Variants in N4BP2 observed in about 807,000 individuals in gnomAD.
N4BP2 encodes NEDD4-binding protein 2.
Under a neutral mutation model 152.8 loss-of-function variants are expected in N4BP2, and 91 were observed. The ratio of observed to expected loss-of-function variants is 0.60; its 90% confidence interval spans 0.50 to 0.71. The LOEUF is 0.71. Among genes scored for constraint, N4BP2 ranks in the 30% least tolerant of loss-of-function variants. The pLI is 0.00. For synonymous variants in N4BP2, 646 were observed against 705.3 expected, an observed-to-expected ratio of 0.92 and a Z score of 1.33; for missense variants, 1,923 against 2,059.1, an observed-to-expected ratio of 0.93 and a Z score of 1.28.
At chr4:40,075,190 CAT>C (rs1436682184) in intron 2 of N4BP2, among the ~76,000 whole-genome samples, 1 of 151,856 alleles carries the variant, frequency 6.6e-6, no homozygotes, top group Non-Finnish European at 1.5e-5. Flanking sequence ...GATATAAACA[CAT>C]ATAGATGGAA....
intron 2 of N4BP2, among the ~76,000 whole-genome samples, chr4:40,082,802 G>A (rs902613004): frequency 2.0e-5 from 3 of 151,780 alleles, no homozygotes; most frequent in African/African-American, 4.8e-5. Flanking sequence ...CCGGGTTCAC[G>A]CCATTCTCCT....
intron 8 of N4BP2, 95 bp from the exon 9 acceptor site, chr4:40,119,837 G>T: frequency 1.7e-6 from 1 of 590,376 alleles, no homozygotes. Context: ...CAGAATAACT[G>T]TTAAGTGCCC....
At chr4:40,189,052 A>G in the N4BP2 span, among the ~76,000 whole-genome samples, 1 of 152,096 alleles carries the variant, frequency 6.6e-6, no homozygotes, top group African/African-American at 2.4e-5. This position sits in a 1 kb window ranked among gnomAD's most constrained non-coding sequence, Gnocchi z 4.3. Flanking sequence ...AGGCTGAGGC[A>G]AGAGAATCGC....
intron 3 of N4BP2, among the ~76,000 whole-genome samples, chr4:40,100,781 A>C (rs908445457): frequency 2.6e-5 from 4 of 152,300 alleles, no homozygotes; most frequent in African/African-American, 9.6e-5. Flanking sequence ...ACTTGGGTCA[A>C]GTTAATGTAC....
chr4:40,122,899 CTT>C (rs1458868163), intron 9 of N4BP2, among the ~76,000 whole-genome samples: 2 of 152,078 alleles, frequency 1.3e-5, no homozygotes, highest in African/African-American at 4.8e-5. Flanking sequence ...AAAGGAATAA[CTT>C]AGATTTACTG....
chr4:40,159,520 C>T (rs1721798255), downstream of N4BP2, among the ~76,000 whole-genome samples: 1 of 152,128 alleles, frequency 6.6e-6, no homozygotes, highest in African/African-American at 2.4e-5. Flanking sequence ...CTAACTGTCA[C>T]ATCTGTATTC....
chr4:40,103,984 T>C (rs1715963787), intron 4 of N4BP2, among the ~76,000 whole-genome samples: 1 of 152,148 alleles, frequency 6.6e-6, no homozygotes, highest in African/African-American at 2.4e-5. Context: ...AGACGGAGTC[T>C]TGCTCTGTTG....
At chr4:40,174,898 A>G in the N4BP2 span, among the ~76,000 whole-genome samples, 1 of 151,196 alleles carries the variant, frequency 6.6e-6, no homozygotes, top group Non-Finnish European at 1.5e-5. Context: ...TTCAGCCTAA[A>G]AAAAAAAAAA....
At position 40,097,473 on chromosome 4, in the gene N4BP2, G is replaced by A; in HGVS notation, c.133G>A (p.Val45Ile). ...TCTACCTTCCATGGGTGAGACAAAA[G>A]TTGATCAGGAAGAACTCTTCACCAG... The part of the protein sequence containing the change: ...TTLPSMGETK[V>I]DQEELFTSIS... The change falls in exon 3 of 18, where the codon GTT becomes ATT. Residue 45 changes from valine to isoleucine, a missense_variant. Transcript: ENST00000261435. 2 of 1,614,076 alleles carry A rather than the reference G, an allele frequency of 1.2e-6. No homozygotes were observed. The highest frequency in any genetic ancestry group is 1.7e-6 in the Non-Finnish European group (2 of 1,179,950).
At chr4:40,147,813 G>GAT (rs1720732274) in intron 16 of N4BP2, among the ~76,000 whole-genome samples, 1 of 150,614 alleles carries the variant, frequency 6.6e-6, no homozygotes, top group African/African-American at 2.4e-5. Context: ...CTTCTCAGAC[G>GAT]GGGCAGCCAG....
chr4:40,175,192 G>T, the N4BP2 span, among the ~76,000 whole-genome samples: 2 of 151,112 alleles, frequency 1.3e-5, no homozygotes, highest in Admixed American at 6.6e-5. Flanking sequence ...GGCTAAGTTT[G>T]TTTTTTTTAT....
intron 1 of N4BP2, among the ~76,000 whole-genome samples, chr4:40,071,420 A>G (rs1712170280): frequency 6.6e-6 from 1 of 152,180 alleles, no homozygotes; most frequent in African/African-American, 2.4e-5. Flanking sequence ...GAGGCATATA[A>G]TGTCAGGTCC....
intron 13 of N4BP2, among the ~76,000 whole-genome samples, chr4:40,135,203 G>A (rs1719275632): frequency 6.7e-6 from 1 of 149,910 alleles, no homozygotes; most frequent in Non-Finnish European, 1.5e-5. Context: ...ACGGTGTTTG[G>A]TTTTTTGTTC....
At chr4:40,147,110 ACT>A (rs1720612698) in intron 16 of N4BP2, among the ~76,000 whole-genome samples, 1 of 148,132 alleles carries the variant, frequency 6.8e-6, no homozygotes. Flanking sequence ...ATTGGTGATG[ACT>A]CTTAACGAGC....
intron 15 of N4BP2, 113 bp from the exon 16 acceptor site, chr4:40,144,519 T>C (rs1720328163): frequency 1.2e-6 from 1 of 824,832 alleles, no homozygotes; most frequent in Non-Finnish European, 1.9e-6. Context: ...TTTAAGATTT[T>C]AGGTTTATTA....
the N4BP2 span, among the ~76,000 whole-genome samples, chr4:40,177,092 G>T: frequency 1.3e-5 from 2 of 152,218 alleles, no homozygotes; most frequent in African/African-American, 4.8e-5. Flanking sequence ...GCAGTGGAAA[G>T]CTAGCCTGCT....
intron 1 of N4BP2, among the ~76,000 whole-genome samples, chr4:40,058,172 CT>C (rs1192347301): frequency 2.0e-5 from 3 of 152,200 alleles, no homozygotes; most frequent in Admixed American, 6.5e-5. Flanking sequence ...CAACATCAGC[CT>C]TTTCACTCCG....
the N4BP2 span, among the ~76,000 whole-genome samples, chr4:40,188,316 T>C: frequency 2.4e-4 from 36 of 152,338 alleles, 1 homozygote; most frequent in South Asian, 7.3e-3. Flanking sequence ...TCACAGGCTG[T>C]GCTGTTTATT....
chr4:40,131,720 A>C lies in N4BP2; in HGVS notation c.4528-81A>C, dbSNP rs181504074. 5.0e-4 allele frequency: 504 copies of C among 1,012,376 alleles called. 4 individuals are homozygous for C. The Admixed American group carries it at 0.01, about 20-fold the overall frequency. 62.7% of individuals were successfully genotyped at this position (1,012,376 alleles called of 1,614,324 possible). On this transcript the variant is annotated intron_variant, in intron 12 of 17. Transcript: ENST00000261435. ...GCTTTTAAATCATCAGTAGTTTTGC[A>C]ACAAGTTAACCATGCCTTTGGTCAG... is the stretch of plus-strand genomic sequence containing the variant.
Sources: allele counts gnomAD v4.1 joint callset (sites outside exome capture counted in the v4.1 genomes callset), GRCh38; gene constraint gnomAD v4.1.1; non-coding constraint Gnocchi (gnomAD v3.1); transcripts MANE v1.5; gene names NCBI Gene and HGNC (gene_info 2026-07-23, HGNC 2026-07-21).